EPHA5: variants seen among roughly 807,000 people sequenced by gnomAD.
The protein encoded by EPHA5 is ephrin type-A receptor 5.
A neutral mutation model predicts 105.0 loss-of-function variants in EPHA5; 60 were observed. The observed-to-expected ratio is 0.57, with a 90% CI of 0.46 to 0.71. EPHA5 has a LOEUF of 0.71. EPHA5 is among the 30% of genes least tolerant of loss of function. The pLI, the probability that EPHA5 is intolerant of heterozygous loss-of-function variation, is 0.00. For synonymous variants in EPHA5, 513 were observed against 449.1 expected (o/e 1.14, Z -1.80); for missense variants, 1,218 against 1,274.7 (o/e 0.96, Z 0.68).
At chr4:65,455,476 T>C (rs1727492542) in intron 5 of EPHA5, among the ~76,000 whole-genome samples, 1 of 152,102 alleles carries the variant, frequency 6.6e-6, no homozygotes, top group Non-Finnish European at 1.5e-5. Context: ...TAGTGGTTGC[T>C]AGAAGTAACT....
intron 7 of EPHA5, among the ~76,000 whole-genome samples, chr4:65,408,782 C>A (rs1310743249): frequency 6.6e-6 from 1 of 151,568 alleles, no homozygotes; most frequent in Non-Finnish European, 1.5e-5. Context: ...GTCAGTGTGG[C>A]GATTCCTCAG....
rs377291349 is a variant in EPHA5 at position 65,367,427 on chromosome 4, G to A, written c.1794-3C>T. On this transcript the variant is annotated splice_polypyrimidine_tract_variant and splice_region_variant and intron_variant, in intron 8 of 16. Transcript: ENST00000613740. The stretch of plus-strand genomic sequence containing the variant: ...TTGCTTTGCTGTAGCCACACCGCCT[G>A]GAACAAAGTAAGCTAGAATTAGCCA... 1.0e-4 allele frequency: 168 copies of A among 1,611,710 alleles called. No homozygotes were observed. The highest frequency in any genetic ancestry group is 2.3e-4 in the Admixed American group (14 of 59,910).
At chr4:65,538,948 T>C (rs1560667640) in intron 3 of EPHA5, among the ~76,000 whole-genome samples, 1 of 151,672 alleles carries the variant, frequency 6.6e-6, no homozygotes, top group Non-Finnish European at 1.5e-5. Flanking sequence ...AATCTCTTTA[T>C]GATATCACGA....
At chr4:65,643,454 G>A (rs754231454) in intron 1 of EPHA5, 27 bp from the exon 2 acceptor site, 10 of 1,574,554 alleles carry the variant, frequency 6.4e-6, no homozygotes, top group Non-Finnish European at 8.7e-6. Flanking sequence ...AAAAAACTCA[G>A]TGAAATGTAT....
At chr4:65,364,872 A>T in intron 11 of EPHA5, 145 bp downstream of exon 11, 1 of 579,090 alleles carries the variant, frequency 1.7e-6, no homozygotes, top group Non-Finnish European at 2.6e-6. Context: ...TAGCTTTAAC[A>T]AAAATCTACT....
At chr4:65,535,780 G>T (rs959482378) in intron 3 of EPHA5, among the ~76,000 whole-genome samples, 1 of 151,940 alleles carries the variant, frequency 6.6e-6, no homozygotes, top group African/African-American at 2.4e-5. Flanking sequence ...GAAGGAAACA[G>T]TAGTATTGAT....
chr4:65,479,396 C>A (rs1236722349), intron 5 of EPHA5, among the ~76,000 whole-genome samples: 1 of 152,048 alleles, frequency 6.6e-6, no homozygotes, highest in Non-Finnish European at 1.5e-5. Context: ...TAGATGCAAG[C>A]AAACAGAATT....
chr4:65,432,030 C>G (rs1375932928), intron 5 of EPHA5, among the ~76,000 whole-genome samples: 2 of 152,066 alleles, frequency 1.3e-5, no homozygotes, highest in African/African-American at 4.8e-5. Flanking sequence ...ATGGATAAAA[C>G]TGACAAATGT....
At chr4:65,383,056 T>G (rs1471509377) in intron 8 of EPHA5, among the ~76,000 whole-genome samples, 1 of 149,114 alleles carries the variant, frequency 6.7e-6, no homozygotes, top group South Asian at 2.1e-4. Context: ...ACATTATATA[T>G]ATGTAAATTA....
intron 3 of EPHA5, among the ~76,000 whole-genome samples, chr4:65,509,493 T>C (rs1251768999): frequency 6.6e-6 from 1 of 152,104 alleles, no homozygotes; most frequent in African/African-American, 2.4e-5. Flanking sequence ...AGGAAAACAA[T>C]AACTCTAAAA....
At position 65,348,815 on chromosome 4, in the gene EPHA5, A is replaced by ATATATTT. The variant is rs71657404; in HGVS notation, c.2446-613_2446-612insAAATATA. On this transcript the variant is annotated intron_variant, in intron 13 of 16. Transcript: ENST00000613740. ...TGTGTATATATATATATATATATAT[A>ATATATTT]TTTTTTTTTTTTTTTTTTGAGACAG... Among the ~76,000 whole-genome samples, 34 of 64,112 alleles carry ATATATTT rather than the reference A, an allele frequency of 5.3e-4. 1 individual carries two copies. Among genetic ancestry groups the ATATATTT allele is most frequent in the Non-Finnish European group, 8.1e-4 (30 of 37,258 alleles). 42.1% of individuals were successfully genotyped at this position (64,112 alleles called of 152,430 possible). A position where few individuals can be genotyped will look rare whatever the true frequency, so the allele number is the denominator to read the frequency against.
chr4:65,382,474 T>C (rs1172481593), intron 8 of EPHA5, among the ~76,000 whole-genome samples: 1 of 151,852 alleles, frequency 6.6e-6, no homozygotes, highest in Non-Finnish European at 1.5e-5. Context: ...AATATATATT[T>C]GAACTCAAAA....
chr4:65,331,697 A>G (rs1366564918), intron 16 of EPHA5: 1 of 1,156,052 alleles, frequency 8.7e-7, no homozygotes, highest in Non-Finnish European at 1.1e-6. Context: ...CATCTTTTCC[A>G]CAACACAAAA....
chr4:65,448,385 T>C (rs902259526), intron 5 of EPHA5, among the ~76,000 whole-genome samples: 1 of 152,274 alleles, frequency 6.6e-6, no homozygotes, highest in Non-Finnish European at 1.5e-5. Context: ...TGGTGGCTCA[T>C]GCCTGTAATC....
chr4:65,549,205 C>G (rs112804837), intron 3 of EPHA5, among the ~76,000 whole-genome samples: 4 of 151,950 alleles, frequency 2.6e-5, no homozygotes, highest in Non-Finnish European at 5.9e-5. Flanking sequence ...TGTCTATGGC[C>G]AGAAGATAAT....
chr4:65,381,424 C>A (rs1021650248), intron 8 of EPHA5, among the ~76,000 whole-genome samples: 5 of 151,480 alleles, frequency 3.3e-5, no homozygotes, highest in African/African-American at 1.2e-4. Context: ...TTTTAGTTCA[C>A]CCTGGTTTCA....
At chr4:65,347,978 A>G in intron 14 of EPHA5, 76 bp downstream of exon 14, 1 of 1,375,856 alleles carries the variant, frequency 7.3e-7, no homozygotes, top group Non-Finnish European at 9.7e-7. Flanking sequence ...ACTTTCAGAA[A>G]TGAAAAACAT....
chr4:65,421,095 G>A (rs1309771305), intron 5 of EPHA5, among the ~76,000 whole-genome samples: 1 of 151,882 alleles, frequency 6.6e-6, no homozygotes, highest in Non-Finnish European at 1.5e-5. Context: ...TAAAATAAGA[G>A]CAAATAAAAT....
At chr4:65,410,479 T>C (rs566650186) in intron 7 of EPHA5, among the ~76,000 whole-genome samples, 3 of 152,186 alleles carry the variant, frequency 2.0e-5, no homozygotes, top group Non-Finnish European at 4.4e-5. Flanking sequence ...CTTTACGGTA[T>C]TGGGATTGTT....
Sources: gnomAD v4.1 joint callset for allele counts (sites outside exome capture counted in the v4.1 genomes callset) on GRCh38, gnomAD v4.1.1 for gene constraint, MANE v1.5 for transcripts, NCBI Gene and HGNC (gene_info 2026-07-23, HGNC 2026-07-21) for gene names.